KAT5: variants seen among roughly 807,000 people sequenced by gnomAD.
KAT5 encodes the protein histone acetyltransferase KAT5.
In KAT5, 31 loss-of-function variants were observed where a neutral mutation model predicts 68.1. The ratio of observed to expected loss-of-function variants is 0.46; its 90% confidence interval spans 0.34 to 0.61. KAT5 has a LOEUF of 0.61. Among genes scored for constraint, KAT5 ranks in the 20% least tolerant of loss-of-function variants. The pLI, the probability that KAT5 is intolerant of heterozygous loss-of-function variation, is 0.01. For synonymous variants in KAT5, 365 were observed against 292.6 expected (o/e 1.25, Z -2.52); for missense variants, 451 against 725.5 (o/e 0.62, Z 4.35).
Position 65,719,261 on chromosome 11 carries a change from C to T in KAT5, c.*80C>T, listed in dbSNP as rs901289100. On this transcript the variant is annotated 3_prime_UTR_variant, in exon 13 of 13. Coordinates refer to ENST00000341318, the MANE Select transcript of KAT5 (RefSeq NM_182710.3). ...CACCCCGCCCCCACTGCAGCTCCCACAAAGCACTCTAAGGGAGATGGGGCT... is the reference window on the plus strand; with the variant it reads ...CACCCCGCCCCCACTGCAGCTCCCATAAAGCACTCTAAGGGAGATGGGGCT... The T allele has an allele frequency of 3.3e-6, 5 of 1,518,218 alleles. No homozygotes were observed. Among genetic ancestry groups the T allele is most frequent in the Non-Finnish European group, 4.5e-6 (5 of 1,113,784 alleles). The allele number at this position is 1,518,218 out of a possible 1,614,324, so 94.0% of individuals were successfully genotyped here.
intron 10 of KAT5, chr11:65,718,308 C>T (rs1857274373): frequency 5.8e-6 from 2 of 342,592 alleles, no homozygotes; most frequent in South Asian, 1.2e-4. Context: ...TTCTCTGCAT[C>T]CCCTGCCCAT....
chr11:65,717,068 C>A, intron 10 of KAT5, 86 bp downstream of exon 10: 1 of 1,087,990 alleles, frequency 9.2e-7, no homozygotes, highest in South Asian at 1.3e-5. Flanking sequence ...TGATTCTCAA[C>A]CCTGGCTGTG....
chr11:65,719,547 A>G lies in KAT5; in HGVS notation c.*366A>G. On this transcript the variant is annotated 3_prime_UTR_variant, in exon 13 of 13. Coordinates refer to ENST00000341318, the MANE Select transcript of KAT5 (RefSeq NM_182710.3). ...GGGGTGGGGTGGGTGCTGGCTGCAAAAATTTCTGGCTTCTCTTACCCCTAT... is the reference window on the plus strand; with the variant it reads ...GGGGTGGGGTGGGTGCTGGCTGCAAGAATTTCTGGCTTCTCTTACCCCTAT... The G allele has an allele frequency of 1.6e-6, 1 of 620,782 alleles. No individual in the cohort carries two copies. The highest frequency in any genetic ancestry group is 2.8e-6 in the Non-Finnish European group (1 of 353,512). The allele number at this position is 620,782 out of a possible 1,614,324, so 38.5% of individuals were successfully genotyped here.
Position 65,714,756 on chromosome 11 carries a change from C to A in KAT5, c.939+13C>A. ...TCAGCGTCATTTGGTATGAGGGGTC[C>A]AGGGAGGCTGCCTTCCCAGCACCCT... On this transcript the variant is annotated intron_variant, in intron 7 of 12. Transcript: ENST00000341318. The A allele has an allele frequency of 6.2e-7, 1 of 1,614,176 alleles. No individual in the cohort carries two copies. Among genetic ancestry groups the A allele is most frequent in the Non-Finnish European group, 8.5e-7 (1 of 1,180,014 alleles).
In KAT5 at chr11:65,712,992, A is replaced by G. The variant is rs1303881005; in HGVS notation, c.318A>G (p.Lys106=). The change falls in exon 3 of 13, where the codon AAA becomes AAG. Residue 106 remains lysine (K), a synonymous_variant. Coordinates refer to ENST00000341318, the MANE Select transcript of KAT5 (RefSeq NM_182710.3). ...LDLKKIQFPK[K]EAKTPTKNGL... is the part of the protein sequence containing the mutation. Reference sequence around the variant, plus strand: ...TAAAGAAGATCCAGTTCCCCAAGAAAGAGGCCAAGACCCCCACTAAGAACG... The same window carrying G: ...TAAAGAAGATCCAGTTCCCCAAGAAGGAGGCCAAGACCCCCACTAAGAACG... 1.9e-6 allele frequency: 3 copies of G among 1,613,966 alleles called. No homozygotes were observed. Among genetic ancestry groups the G allele is most frequent in the African/African-American group, 1.3e-5 (1 of 74,906 alleles).
upstream of KAT5, chr11:65,712,053 A>C: frequency 2.3e-6 from 1 of 434,692 alleles, no homozygotes; most frequent in Non-Finnish European, 4.1e-6. Context: ...CTGGCTGTGC[A>C]CGTTATGGGG....
At position 65,714,812 on chromosome 11, in the gene KAT5, C is replaced by T. The variant is rs373064578; in HGVS notation, c.940-9C>T. On this transcript the variant is annotated splice_polypyrimidine_tract_variant and intron_variant, in intron 7 of 12. Coordinates refer to ENST00000341318, the MANE Select transcript of KAT5 (RefSeq NM_182710.3). The stretch of plus-strand genomic sequence containing the variant: ...TTGCCCTTGTTCCTGATCCTCCTCT[C>T]TTCCCCAGACCAAGTGTGACCTACG... 1.2e-6 allele frequency: 2 copies of T among 1,614,206 alleles called. No individual in the cohort carries two copies. Among genetic ancestry groups the T allele is most frequent in the Non-Finnish European group, 1.7e-6 (2 of 1,180,020 alleles).
chr11:65,716,429 C>T, intron 8 of KAT5: 1 of 544,352 alleles, frequency 1.8e-6, no homozygotes, highest in Non-Finnish European at 3.3e-6. Context: ...ACTTGCCTGA[C>T]TGAGCAGGGA....
chr11:65,718,856 C>A lies in KAT5; in HGVS notation c.1425-17C>A. The A allele has an allele frequency of 6.2e-7, 1 of 1,613,998 alleles. No homozygotes were observed. Among genetic ancestry groups the A allele is most frequent in the Non-Finnish European group, 8.5e-7 (1 of 1,179,866 alleles). ...AGATAAAGGTCCTCAGGGAACCTGACCTGTGCTCTCCCACAGTGAGATTAG... is the reference window on the plus strand; with the variant it reads ...AGATAAAGGTCCTCAGGGAACCTGAACTGTGCTCTCCCACAGTGAGATTAG... On this transcript the variant is annotated splice_polypyrimidine_tract_variant and intron_variant, in intron 11 of 12. Coordinates refer to ENST00000341318, the MANE Select transcript of KAT5 (RefSeq NM_182710.3).
In KAT5 at chr11:65,713,045, CAG is replaced by C. The variant is rs771173156; in HGVS notation, c.380_381del (p.Glu127GlyfsTer37). On this transcript the variant is annotated frameshift_variant, in exon 3 of 13. Coordinates refer to ENST00000341318, the MANE Select transcript of KAT5 (RefSeq NM_182710.3). LOFTEE classifies it high-confidence loss of function. The stretch of plus-strand genomic sequence containing the variant: ...CTTCCTGGGTCCCGTCCTGGCTCTC[CAG>C]AGAGAGAGGTGGTGAGTAGGTCCCC... The C allele has an allele frequency of 1.2e-6, 2 of 1,613,050 alleles. No homozygotes were observed. The highest frequency in any genetic ancestry group is 1.7e-6 in the Non-Finnish European group (2 of 1,179,990).
chr11:65,713,535 C>CT (rs1171950628), intron 4 of KAT5, 32 bp downstream of exon 4: 38 of 1,614,010 alleles, frequency 2.4e-5, no homozygotes, highest in Non-Finnish European at 3.1e-5. Flanking sequence ...ACCTTGCTTT[C>CT]TTCTCAGGTC....
chr11:65,712,915 G>A lies in KAT5; in HGVS notation c.248-7G>A. On this transcript the variant is annotated splice_polypyrimidine_tract_variant and splice_region_variant and intron_variant, in intron 2 of 12. Transcript: ENST00000341318. ...CATTCTGTCCTGAGCCATCCCCACT[G>A]CTACAGTCAACAAACGTCTGGATGA... 4 of 1,614,170 alleles carry A rather than the reference G, an allele frequency of 2.5e-6. No individual in the cohort carries two copies. Among genetic ancestry groups the A allele is most frequent in the Non-Finnish European group, 3.4e-6 (4 of 1,180,018 alleles).
intron 10 of KAT5, chr11:65,718,378 C>T (rs777245010): frequency 1.8e-6 from 1 of 552,022 alleles, no homozygotes; most frequent in Non-Finnish European, 3.2e-6. Flanking sequence ...TCTCAGTGCC[C>T]TCATGCCCTC....
intron 8 of KAT5, chr11:65,715,354 C>T (rs1055726986): frequency 8.5e-6 from 2 of 235,372 alleles, no homozygotes; most frequent in Non-Finnish European, 1.7e-5. Context: ...TGAGGGAAGG[C>T]TCGTACATGG....
rs772014374 is a variant in KAT5 at position 65,713,671 on chromosome 11, A to G, written c.615+4A>G. The G allele has an allele frequency of 1.9e-6, 3 of 1,613,842 alleles. No homozygotes were observed. The African/African-American group carries it at 4.0e-5, about 22-fold the overall frequency. Reference sequence around the variant, plus strand: ...CCCGGCCTCGGTTTTTCCCCAGGTGAGTTCCCCAAACCATCTCTTGTTCTC... The same window carrying G: ...CCCGGCCTCGGTTTTTCCCCAGGTGGGTTCCCCAAACCATCTCTTGTTCTC... On this transcript the variant is annotated splice_donor_region_variant and intron_variant, in intron 5 of 12. Transcript: ENST00000341318.
upstream of KAT5, chr11:65,712,127 T>A (rs1012065278): frequency 2.6e-5 from 20 of 777,044 alleles, no homozygotes; most frequent in Non-Finnish European, 3.8e-5. Context: ...ACAGGGGCAG[T>A]CTTGCCCCTC....
Position 65,712,739 on chromosome 11 carries a change from A to AGGCCCCTGTCTAT in KAT5, c.179-25_179-13dup, listed in dbSNP as rs563798134. 1.1e-4 allele frequency: 181 copies of AGGCCCCTGTCTAT among 1,613,466 alleles called. No individual in the cohort carries two copies. The African/African-American group carries it at 2.2e-3, about 20-fold the overall frequency. ...GGAGTCTCATAGCCTGGCCTGTCTA[A>AGGCCCCTGTCTAT]GGCCCCTGTCTATGCTATTCTCATA... On this transcript the variant is annotated intron_variant, in intron 1 of 12. Coordinates refer to ENST00000341318, the MANE Select transcript of KAT5 (RefSeq NM_182710.3).
At position 65,714,593 on chromosome 11, in the gene KAT5, G is replaced by A; in HGVS notation, c.789G>A (p.Lys263=). ...RSHDDIVTRM[K]NIECIELGRH... The stretch of plus-strand genomic sequence containing the variant: ...ACGACGACATCGTCACCCGGATGAA[G>A]AACATTGAGTGCATTGAGCTGGGCC... Residue 263 remains lysine, a synonymous_variant, in exon 7 of 13, where the codon AAG becomes AAA. Coordinates refer to ENST00000341318, the MANE Select transcript of KAT5 (RefSeq NM_182710.3). 1.2e-6 allele frequency: 2 copies of A among 1,614,190 alleles called. No homozygotes were observed. Among genetic ancestry groups the A allele is most frequent in the Non-Finnish European group, 1.7e-6 (2 of 1,180,038 alleles).
intron 8 of KAT5, chr11:65,716,408 C>A: frequency 3.9e-6 from 2 of 517,392 alleles, no homozygotes; most frequent in Non-Finnish European, 7.0e-6. Context: ...GTGTGCGGAG[C>A]AAGGCGGGAA....
Sources: gnomAD v4.1 joint callset for allele counts on GRCh38, gnomAD v4.1.1 for gene constraint, MANE v1.5 for transcripts, NCBI Gene and HGNC (gene_info 2026-07-23, HGNC 2026-07-21) for gene names.